Variants in RNF144B observed in about 807,000 individuals in gnomAD.
RNF144B encodes the protein E3 ubiquitin-protein ligase RNF144B.
Under a neutral mutation model 40.2 loss-of-function variants are expected in RNF144B, and 25 were observed. That is an observed-to-expected ratio of 0.62 (90% CI 0.45 to 0.87). The LOEUF is 0.87. RNF144B is among the 40% of genes least tolerant of loss of function. RNF144B has a pLI of 0.00. For synonymous variants in RNF144B, 145 were observed against 136.3 expected (o/e 1.06, Z -0.44); for missense variants, 365 against 373.7 (o/e 0.98, Z 0.19).
rs1759545989 is a variant in RNF144B, at chr6:18,464,998, A to G, written c.843A>G (p.Pro281=). The change falls in exon 8 of 8, where the codon CCA becomes CCG. Residue 281 remains proline, a synonymous_variant. Coordinates refer to ENST00000259939, the MANE Select transcript of RNF144B (RefSeq NM_182757.4). The surrounding 1 kb of genome is among the most constrained non-coding windows in gnomAD (Gnocchi z 6.1). ...VTSPLLLLAS[P]CIICCVCKSC... ...CACCCTTGTTACTCCTGGCCTCCCC[A>G]TGTATAATCTGTTGTGTCTGCAAGT... The G allele has an allele frequency of 1.9e-6, 3 of 1,613,754 alleles. No individual in the cohort carries two copies. Among genetic ancestry groups the G allele is most frequent in the Non-Finnish European group, 2.5e-6 (3 of 1,179,934 alleles).
intron 4 of RNF144B, among the ~76,000 whole-genome samples, chr6:18,445,071 T>G (rs988784164): frequency 4.0e-5 from 6 of 150,424 alleles, no homozygotes; most frequent in Admixed American, 6.8e-5. Flanking sequence ...TACTTTATTG[T>G]CTGCTCAGTT....
rs889429503 is a variant in RNF144B, at chr6:18,409,313, G to A, written c.165+9614G>A. Among the ~76,000 whole-genome samples, 24 of 145,100 alleles carry A rather than the reference G, an allele frequency of 1.7e-4. No individual in the cohort carries two copies. In the Admixed American group the frequency reaches 1.7e-3, roughly 10 times the overall value. ...GAACTGCTTGAACCCGGGAAGTGGA[G>A]GTTGCAGTGAGCTGAGATCTTGCCA... On this transcript the variant is annotated intron_variant, in intron 2 of 7. Coordinates refer to ENST00000259939, the MANE Select transcript of RNF144B (RefSeq NM_182757.4).
rs2113544024 is a variant in RNF144B at position 18,464,755 on chromosome 6, A to G, written c.772-172A>G. 6.6e-6 allele frequency among the ~76,000 whole-genome samples: 1 copy of G among 152,180 alleles called. No individual in the cohort carries two copies. Among genetic ancestry groups the G allele is most frequent in the South Asian group, 2.1e-4 (1 of 4,812 alleles). Reference sequence around the variant, plus strand: ...GGGCCCTGCCCTCATAAACCAACTAACTTCTAAAGGCCTCGTCTCCAAATA... The same window carrying G: ...GGGCCCTGCCCTCATAAACCAACTAGCTTCTAAAGGCCTCGTCTCCAAATA... On this transcript the variant is annotated intron_variant, in intron 7 of 7. Coordinates refer to ENST00000259939, the MANE Select transcript of RNF144B (RefSeq NM_182757.4). This position sits in a 1 kb window ranked among gnomAD's most constrained non-coding sequence, Gnocchi z 6.1.
In RNF144B at chr6:18,465,287, T is replaced by C; in HGVS notation, c.*220T>C. On this transcript the variant is annotated 3_prime_UTR_variant, in exon 8 of 8. Transcript: ENST00000259939. ...AACTGGGCTCAACGGTCCAGCTGTT[T>C]CTATGGAGCTTTGGGGTTCCTTGAG... is the stretch of plus-strand genomic sequence containing the variant. 1 of 560,026 alleles carries C rather than the reference T, an allele frequency of 1.8e-6. No individual in the cohort carries two copies. Among genetic ancestry groups the C allele is most frequent in the Non-Finnish European group, 3.2e-6 (1 of 315,110 alleles). 34.7% of individuals were successfully genotyped at this position (560,026 alleles called of 1,614,324 possible). A position where few individuals can be genotyped will look rare whatever the true frequency, so the allele number is the denominator to read the frequency against.
intron 2 of RNF144B, among the ~76,000 whole-genome samples, chr6:18,411,485 ATATATATATATATTTTTTT>A (rs1795039910): frequency 3.8e-5 from 1 of 26,344 alleles, no homozygotes; most frequent in Non-Finnish European, 8.4e-5. Flanking sequence ...ATATATATAT[ATATATATATATATTTTTTT>A]TTTTTTTTTT....
At position 18,467,241 on chromosome 6, in the gene RNF144B, A is replaced by G. The variant is rs1343751367; in HGVS notation, c.*2174A>G. The G allele has an allele frequency of 6.6e-6, 1 of 152,536 alleles. No individual in the cohort carries two copies. The highest frequency in any genetic ancestry group is 1.5e-5 in the Non-Finnish European group (1 of 68,018). 9.4% of individuals were successfully genotyped at this position (152,536 alleles called of 1,614,324 possible). On this transcript the variant is annotated 3_prime_UTR_variant, in exon 8 of 8. Transcript: ENST00000259939. ...GCTTGGTGCTGCAAAGAGTCTTTAA[A>G]TGGGGGCTGATTTCAAGTAACCTAA...
rs533286935 is a variant in RNF144B at position 18,400,209 on chromosome 6, C to G, written c.165+510C>G. The stretch of plus-strand genomic sequence containing the variant: ...AATGGCGTGAACCTGGGAGGCAGAG[C>G]TTGCAGTGAGCCGAGATCAGGCCAC... On this transcript the variant is annotated intron_variant, in intron 2 of 7. Coordinates refer to ENST00000259939, the MANE Select transcript of RNF144B (RefSeq NM_182757.4). This position sits in a 1 kb window ranked among gnomAD's most constrained non-coding sequence, Gnocchi z 5.6. Among the ~76,000 whole-genome samples, 18 of 151,112 alleles carry G rather than the reference C, an allele frequency of 1.2e-4. No individual in the cohort carries two copies. The highest frequency in any genetic ancestry group is 4.4e-4 in the African/African-American group (18 of 41,094).
rs1794901215 is a variant in RNF144B at position 18,406,241 on chromosome 6, T to C, written c.165+6542T>C. On this transcript the variant is annotated intron_variant, in intron 2 of 7. Transcript: ENST00000259939. The surrounding 1 kb of genome is among the most constrained non-coding windows in gnomAD (Gnocchi z 4.2). ...AAAATAGGGTGAGGGGGGTCAGGAG[T>C]GCTGTGGGGAAGAGGGACTTCTACT... The C allele has an allele frequency of 1.2e-5, 6 of 491,856 alleles. No homozygotes were observed. Among genetic ancestry groups the C allele is most frequent in the Middle Eastern group, 1.0e-3 (2 of 1,916 alleles). 30.5% of individuals were successfully genotyped at this position (491,856 alleles called of 1,614,324 possible). A position where few individuals can be genotyped will look rare whatever the true frequency, so the allele number is the denominator to read the frequency against.
At chr6:18,390,605 T>C (rs768777259) in intron 1 of RNF144B, among the ~76,000 whole-genome samples, 15 of 152,248 alleles carry the variant, frequency 9.9e-5, no homozygotes, top group Non-Finnish European at 1.9e-4. Context: ...TTGAAAGCCA[T>C]GTCCCATTGT....
chr6:18,466,620 T>TG lies in RNF144B; in HGVS notation c.*1555dup, dbSNP rs1161842080. 1 of 152,652 alleles carries TG rather than the reference T, an allele frequency of 6.6e-6. No individual in the cohort carries two copies. The highest frequency in any genetic ancestry group is 2.4e-5 in the African/African-American group (1 of 41,464). The allele number at this position is 152,652 out of a possible 1,614,324, so 9.5% of individuals were successfully genotyped here. A position where few individuals can be genotyped will look rare whatever the true frequency, so the allele number is the denominator to read the frequency against. On this transcript the variant is annotated 3_prime_UTR_variant, in exon 8 of 8. Coordinates refer to ENST00000259939, the MANE Select transcript of RNF144B (RefSeq NM_182757.4). Reference sequence around the variant, plus strand: ...TCATGAGACCTATGCTAAATGTTACTGGAGAGTTCTTGAAGCCAGGGATAC... The same window carrying TG: ...TCATGAGACCTATGCTAAATGTTACTGGGAGAGTTCTTGAAGCCAGGGATAC...
rs544831653 is a variant in RNF144B, at chr6:18,456,202, G to A, written c.332-953G>A. Among the ~76,000 whole-genome samples, 10 of 152,272 alleles carry A rather than the reference G, an allele frequency of 6.6e-5. No individual in the cohort carries two copies. The highest frequency in any genetic ancestry group is 2.4e-4 in the African/African-American group (10 of 41,568). On this transcript the variant is annotated intron_variant, in intron 4 of 7. Transcript: ENST00000259939. This position sits in a 1 kb window ranked among gnomAD's most constrained non-coding sequence, Gnocchi z 4.7. ...CTCCCAAAGTGCTGGGATTACAGGC[G>A]TGAGCCACAGTGCCCGGCCCACATG...
chr6:18,435,979 A>G (rs560155245), intron 3 of RNF144B, among the ~76,000 whole-genome samples: 52 of 152,200 alleles, frequency 3.4e-4, no homozygotes, highest in East Asian at 1.2e-3. Flanking sequence ...ATATGTAACA[A>G]ACCTGCACGT....
rs141609788 is a variant in RNF144B, at chr6:18,406,546, T to C, written c.165+6847T>C. 6.6e-6 allele frequency among the ~76,000 whole-genome samples: 1 copy of C among 151,150 alleles called. No homozygotes were observed. Among genetic ancestry groups the C allele is most frequent in the Non-Finnish European group, 1.5e-5 (1 of 67,858 alleles). ...GAAGGCTAAGTCCCATGATCTTCTC[T>C]CTGCAAGCTGGAGACCCAGGAGAAC... On this transcript the variant is annotated intron_variant, in intron 2 of 7. Coordinates refer to ENST00000259939, the MANE Select transcript of RNF144B (RefSeq NM_182757.4). This position sits in a 1 kb window ranked among gnomAD's most constrained non-coding sequence, Gnocchi z 4.2.
At chr6:18,452,526 T>G (rs961654163) in intron 4 of RNF144B, among the ~76,000 whole-genome samples, 9 of 152,118 alleles carry the variant, frequency 5.9e-5, no homozygotes, top group African/African-American at 1.2e-4. Flanking sequence ...TATAAAAAAG[T>G]AAATGATTTT....
At position 18,434,540 on chromosome 6, in the gene RNF144B, T is replaced by G. The variant is rs960952215; in HGVS notation, c.271-5144T>G. 2.6e-5 allele frequency among the ~76,000 whole-genome samples: 4 copies of G among 152,204 alleles called. No homozygotes were observed. The highest frequency in any genetic ancestry group is 4.4e-5 in the Non-Finnish European group (3 of 68,024). On this transcript the variant is annotated intron_variant, in intron 3 of 7. Coordinates refer to ENST00000259939, the MANE Select transcript of RNF144B (RefSeq NM_182757.4). The surrounding 1 kb of genome is among the most constrained non-coding windows in gnomAD (Gnocchi z 4.1). ...ACAGCACTCCCGTGTGTAGGTGTGGTCTGGCTTCCCTGGATATGCTCTGCT... is the reference window on the plus strand; with the variant it reads ...ACAGCACTCCCGTGTGTAGGTGTGGGCTGGCTTCCCTGGATATGCTCTGCT...
rs35954063 is a variant in RNF144B, at chr6:18,436,058, TAA to T, written c.271-3614_271-3613del. Among the ~76,000 whole-genome samples the T allele has an allele frequency of 3.7e-4, 52 of 141,798 alleles. 1 individual carries two copies. The South Asian group carries it at 4.2e-3, about 12-fold the overall frequency. The allele number at this position is 141,798 out of a possible 152,430, so 93.0% of individuals were successfully genotyped here. ...ATAAAACCCACCTCAAATCACACAC[TAA>T]AAAAAAAAAAAGTTAACATCATCAA... On this transcript the variant is annotated intron_variant, in intron 3 of 7. Transcript: ENST00000259939.
rs1257827399 is a variant in RNF144B at position 18,401,965 on chromosome 6, T to C, written c.165+2266T>C. The C allele has an allele frequency of 4.0e-5, 2 of 50,042 alleles. 1 individual carries two copies. The highest frequency in any genetic ancestry group is 1.0e-4 in the Non-Finnish European group (2 of 20,020). 3.1% of individuals were successfully genotyped at this position (50,042 alleles called of 1,614,324 possible). A position where few individuals can be genotyped will look rare whatever the true frequency, so the allele number is the denominator to read the frequency against. ...TTTTCTTTTCATGTTAGATGGATAA[T>C]GTGCTTATGGTGTAACCAGGTTTGA... On this transcript the variant is annotated intron_variant, in intron 2 of 7. Coordinates refer to ENST00000259939, the MANE Select transcript of RNF144B (RefSeq NM_182757.4).
intron 3 of RNF144B, among the ~76,000 whole-genome samples, chr6:18,431,212 C>T (rs1271710899): frequency 6.7e-6 from 1 of 150,212 alleles, no homozygotes; most frequent in Admixed American, 6.7e-5. Context: ...GGTGACACAG[C>T]GAGACTCCAT....
chr6:18,413,027 A>G (rs1166351750), intron 2 of RNF144B, among the ~76,000 whole-genome samples: 1 of 152,368 alleles, frequency 6.6e-6, no homozygotes, highest in African/African-American at 2.4e-5. Flanking sequence ...GTAATATGCA[A>G]GGGTACTATT....
Sources: allele counts gnomAD v4.1 joint callset (sites outside exome capture counted in the v4.1 genomes callset), GRCh38; gene constraint gnomAD v4.1.1; non-coding constraint Gnocchi (gnomAD v3.1); transcripts MANE v1.5; gene names NCBI Gene and HGNC (gene_info 2026-07-23, HGNC 2026-07-21).